The following SYT6 variants were observed in gnomAD, a reference collection of about 807,000 sequenced individuals.
The protein encoded by SYT6 is synaptotagmin 6.
SYT6 carries 24 observed loss-of-function variants against 38.4 expected under a neutral mutation model. The observed-to-expected ratio is 0.62, with a 90% CI of 0.45 to 0.88. SYT6 has a LOEUF of 0.88. Among genes scored for constraint, SYT6 ranks in the 40% least tolerant of loss-of-function variants. The probability of loss-of-function intolerance (pLI) is 0.00; values close to 1 mark genes in which losing one functional copy is unlikely to be tolerated. For missense variants in SYT6, 611 were observed against 621.0 expected, an observed-to-expected ratio of 0.98 and a Z score of 0.17; for synonymous variants, 265 against 241.9, an observed-to-expected ratio of 1.10 and a Z score of -0.89.
chr1:114,148,546 C>T (rs1199985899), intron 1 of SYT6, among the ~76,000 whole-genome samples: 1 of 152,328 alleles, frequency 6.6e-6, no homozygotes, highest in East Asian at 1.9e-4. Context: ...GAGACATAGA[C>T]AAAGCACAGC....
intron 3 of SYT6, among the ~76,000 whole-genome samples, chr1:114,114,311 A>ATTTT (rs1676864031): frequency 6.6e-6 from 1 of 152,034 alleles, no homozygotes; most frequent in South Asian, 2.1e-4. Context: ...TCAACCTCAT[A>ATTTT]TTTTACTCAC....
intron 3 of SYT6, among the ~76,000 whole-genome samples, chr1:114,118,404 G>A (rs1264562548): frequency 6.6e-6 from 1 of 152,228 alleles, no homozygotes; most frequent in East Asian, 1.9e-4. Context: ...TGGGAGGAGA[G>A]AGGCCCAGGG....
chr1:114,132,322 A>G (rs1457871662), intron 3 of SYT6, among the ~76,000 whole-genome samples: 1 of 152,204 alleles, frequency 6.6e-6, no homozygotes, highest in Non-Finnish European at 1.5e-5. Flanking sequence ...GAAACCTCCT[A>G]GAGGACATTC....
intron 3 of SYT6, among the ~76,000 whole-genome samples, chr1:114,117,002 A>G (rs1677035306): frequency 6.6e-6 from 1 of 152,238 alleles, no homozygotes; most frequent in Non-Finnish European, 1.5e-5. Context: ...CTAATCATCA[A>G]CGAAGAACTC....
chr1:114,104,247 C>T (rs74112925), intron 3 of SYT6, among the ~76,000 whole-genome samples: 2,588 of 152,326 alleles, frequency 0.017, 68 homozygotes, highest in African/African-American at 0.059. Flanking sequence ...TTGTCAATCA[C>T]AGCCAACCAA....
chr1:114,125,788 C>T (rs1677689652), intron 3 of SYT6, among the ~76,000 whole-genome samples: 1 of 152,136 alleles, frequency 6.6e-6, no homozygotes, highest in Non-Finnish European at 1.5e-5. Flanking sequence ...GGTTAATTGG[C>T]TCAGGATCAA....
chr1:114,130,946 C>G (rs1264497458), intron 3 of SYT6, among the ~76,000 whole-genome samples: 1 of 152,216 alleles, frequency 6.6e-6, no homozygotes, highest in East Asian at 1.9e-4. Flanking sequence ...GATCAATTAG[C>G]TGATTCTTTG....
chr1:114,129,812 G>A (rs1480198354), intron 3 of SYT6, among the ~76,000 whole-genome samples: 1 of 150,092 alleles, frequency 6.7e-6, no homozygotes, highest in Non-Finnish European at 1.5e-5. Context: ...GAGTTGCTGG[G>A]ATTACAGGCA....
In SYT6 at chr1:114,092,338, C is replaced by CTCTCTCTGTG. The variant is rs991723002; in HGVS notation, c.*52-257_*52-256insCACAGAGAGA. Among the ~76,000 whole-genome samples, 681 of 128,530 alleles carry CTCTCTCTGTG rather than the reference C, an allele frequency of 5.3e-3. 8 individuals are homozygous for CTCTCTCTGTG. The highest frequency in any genetic ancestry group is 0.018 in the African/African-American group (654 of 36,212). The allele number at this position is 128,530 out of a possible 152,430, so 84.3% of individuals were successfully genotyped here. A position where few individuals can be genotyped will look rare whatever the true frequency, so the allele number is the denominator to read the frequency against. ...TCTCTCTCTCTCTCTCTCTCTCTCT[C>CTCTCTCTGTG]TGTGTGTGTGTGTGTGTGTGTGTGT... On this transcript the variant is annotated intron_variant, in intron 7 of 7. Coordinates refer to ENST00000610222, the MANE Select transcript of SYT6 (RefSeq NM_001253772.2).
At chr1:114,112,423 C>G (rs533745529) in intron 3 of SYT6, among the ~76,000 whole-genome samples, 1 of 152,218 alleles carries the variant, frequency 6.6e-6, no homozygotes, top group African/African-American at 2.4e-5. Context: ...CTTCGTGAAC[C>G]TGCCCTTGAA....
At chr1:114,148,593 A>T (rs1312684839) in intron 1 of SYT6, among the ~76,000 whole-genome samples, 1 of 152,208 alleles carries the variant, frequency 6.6e-6, no homozygotes, top group Non-Finnish European at 1.5e-5. Context: ...GAGGCCCAGG[A>T]GCTTGGAAGA....
At chr1:114,132,903 AT>A (rs1678238292) in intron 3 of SYT6, among the ~76,000 whole-genome samples, 1 of 152,190 alleles carries the variant, frequency 6.6e-6, no homozygotes, top group Non-Finnish European at 1.5e-5. Context: ...AGTTTAGATA[AT>A]GTCCCAAGGT....
At chr1:114,094,265 T>C (rs1675496030) in intron 6 of SYT6, among the ~76,000 whole-genome samples, 1 of 152,200 alleles carries the variant, frequency 6.6e-6, no homozygotes. Context: ...TTACAGTGGC[T>C]CTGAAATGGC....
chr1:114,153,513 C>G (rs927356518), intron 1 of SYT6, 97 bp downstream of exon 1: 2 of 557,304 alleles, frequency 3.6e-6, no homozygotes, highest in African/African-American at 2.0e-5. Flanking sequence ...CTGGGGAGTT[C>G]TCTCTAGGTT....
rs1053135 is a variant in SYT6 at position 114,091,863 on chromosome 1, T to C, written c.*271A>G. 0.38 allele frequency: 256,839 copies of C among 673,502 alleles called. 50,566 individuals are homozygous for C. Among genetic ancestry groups the C allele is most frequent in the East Asian group, 0.5 (17,716 of 35,264 alleles). 41.7% of individuals were successfully genotyped at this position (673,502 alleles called of 1,614,324 possible). A position where few individuals can be genotyped will look rare whatever the true frequency, so the allele number is the denominator to read the frequency against. ...CTGACCACATGACAAGTGTCTCAGC[T>C]TTGACCTACACAGGAGCAGGTAAGA... On this transcript the variant is annotated 3_prime_UTR_variant, in exon 8 of 8. Coordinates refer to ENST00000610222, the MANE Select transcript of SYT6 (RefSeq NM_001253772.2).
At chr1:114,104,641 G>A (rs1260925747) in intron 3 of SYT6, among the ~76,000 whole-genome samples, 2 of 151,390 alleles carry the variant, frequency 1.3e-5, no homozygotes, top group Non-Finnish European at 2.9e-5. Context: ...AGAGGTCAGC[G>A]TTTAGGGTGA....
chr1:114,128,509 A>G (rs1383443960), intron 3 of SYT6, among the ~76,000 whole-genome samples: 1 of 152,094 alleles, frequency 6.6e-6, no homozygotes, highest in Non-Finnish European at 1.5e-5. Context: ...CCATTTCAAG[A>G]GTTGCACCCT....
intron 1 of SYT6, among the ~76,000 whole-genome samples, chr1:114,151,957 C>T (rs1571909473): frequency 6.6e-6 from 1 of 152,164 alleles, no homozygotes; most frequent in Non-Finnish European, 1.5e-5. Context: ...CCTTCTGCTG[C>T]AGTGATCAAA....
intron 2 of SYT6, 90 bp downstream of exon 2, chr1:114,139,525 G>A: frequency 5.9e-6 from 9 of 1,535,022 alleles, no homozygotes; most frequent in Non-Finnish European, 7.9e-6. Context: ...ATTATTTCTG[G>A]TCTGTGATCC....
Sources: allele counts gnomAD v4.1 joint callset (sites outside exome capture counted in the v4.1 genomes callset), GRCh38; gene constraint gnomAD v4.1.1; transcripts MANE v1.5; gene names NCBI Gene and HGNC (gene_info 2026-07-23, HGNC 2026-07-21).